MACROD2: variants seen among roughly 807,000 people sequenced by gnomAD.
MACROD2 encodes ADP-ribose glycohydrolase MACROD2.
MACROD2 carries 36 observed loss-of-function variants against 70.4 expected under a neutral mutation model. The observed-to-expected ratio is 0.51, with a 90% CI of 0.39 to 0.68. The LOEUF (loss-of-function observed/expected upper bound fraction) is 0.68. Ranked by LOEUF, MACROD2 falls within the 30% of genes least tolerant of loss-of-function variation. MACROD2 has a pLI of 0.00. For missense variants in MACROD2, 496 were observed against 538.4 expected, an observed-to-expected ratio of 0.92 and a Z score of 0.78; for synonymous variants, 172 against 178.8, an observed-to-expected ratio of 0.96 and a Z score of 0.30.
At chr20:15,514,173 T>C (rs1406270728) in intron 8 of MACROD2, among the ~76,000 whole-genome samples, 1 of 152,242 alleles carries the variant, frequency 6.6e-6, no homozygotes, top group Non-Finnish European at 1.5e-5. Context: ...TTAATTTATA[T>C]TAAAGAAACA....
At chr20:15,740,438 G>A (rs573509993) in intron 8 of MACROD2, among the ~76,000 whole-genome samples, 9 of 152,146 alleles carry the variant, frequency 5.9e-5, no homozygotes, top group Non-Finnish European at 1.2e-4. Flanking sequence ...CTTGATGGAC[G>A]CTGGGGATGG....
chr20:14,470,822 G>A (rs1004895366), intron 3 of MACROD2, among the ~76,000 whole-genome samples: 8 of 152,176 alleles, frequency 5.3e-5, no homozygotes, highest in Non-Finnish European at 7.4e-5. Flanking sequence ...TGTGCTGGCA[G>A]CAAGAATTTC....
chr20:15,013,699 C>A (rs965013117), intron 5 of MACROD2, among the ~76,000 whole-genome samples: 3 of 152,144 alleles, frequency 2.0e-5, no homozygotes, highest in Non-Finnish European at 2.9e-5. Context: ...CTCCCTCTGC[C>A]CACTCCTGCT....
At chr20:15,801,418 G>A (rs989830139) in intron 8 of MACROD2, among the ~76,000 whole-genome samples, 1 of 151,592 alleles carries the variant, frequency 6.6e-6, no homozygotes, top group African/African-American at 2.4e-5. Flanking sequence ...TGGGAACTCT[G>A]GGGTCCTGAA....
At chr20:14,627,023 A>G (rs1318186567) in intron 4 of MACROD2, 1 of 152,210 alleles carries the variant, frequency 6.6e-6, no homozygotes, top group Non-Finnish European at 1.5e-5. Context: ...GTTGGGAGCT[A>G]TAGTTTGTCC....
chr20:15,004,632 T>C (rs1165267906), intron 5 of MACROD2, among the ~76,000 whole-genome samples: 1 of 152,172 alleles, frequency 6.6e-6, no homozygotes, highest in African/African-American at 2.4e-5. Flanking sequence ...ACGGCCACTT[T>C]TTTTTTTCTC....
In MACROD2 at chr20:14,493,097, T is replaced by C. The variant is rs935735741; in HGVS notation, c.272-382T>C. Among the ~76,000 whole-genome samples, 14 of 152,162 alleles carry C rather than the reference T, an allele frequency of 9.2e-5. No homozygotes were observed. The East Asian group carries it at 2.1e-3, about 23-fold the overall frequency. On this transcript the variant is annotated intron_variant, in intron 3 of 17. Transcript: ENST00000684519. Reference sequence around the variant, plus strand: ...AATTTAAATTACTATAATACTTTTTTGTTACATCGTCCTTTGAAATCATTG... The same window carrying C: ...AATTTAAATTACTATAATACTTTTTCGTTACATCGTCCTTTGAAATCATTG...
At chr20:15,991,972 A>G (rs1306760637) in intron 15 of MACROD2, among the ~76,000 whole-genome samples, 1 of 152,188 alleles carries the variant, frequency 6.6e-6, no homozygotes, top group Non-Finnish European at 1.5e-5. Context: ...ACATGTCTCT[A>G]TGTATGCAAT....
chr20:14,844,702 G>T (rs1192378126), intron 5 of MACROD2, among the ~76,000 whole-genome samples: 1 of 151,934 alleles, frequency 6.6e-6, no homozygotes, highest in Non-Finnish European at 1.5e-5. Flanking sequence ...TAAACATAGT[G>T]TCCTAGGCAA....
intron 8 of MACROD2, among the ~76,000 whole-genome samples, chr20:15,507,511 T>C (rs2047442679): frequency 6.6e-6 from 1 of 151,916 alleles, no homozygotes; most frequent in Non-Finnish European, 1.5e-5. Flanking sequence ...CTCTTCTCTT[T>C]TCTTTTTCTT....
intron 17 of MACROD2, among the ~76,000 whole-genome samples, chr20:16,044,898 A>G (rs1415938209): frequency 1.3e-5 from 2 of 152,132 alleles, no homozygotes; most frequent in African/African-American, 4.8e-5. Flanking sequence ...GACAAGTAAA[A>G]AATGTCTCCA....
intron 4 of MACROD2, among the ~76,000 whole-genome samples, chr20:14,540,560 C>T (rs112816758): frequency 6.6e-6 from 1 of 152,128 alleles, no homozygotes; most frequent in African/African-American, 2.4e-5. Flanking sequence ...GCACAATTAC[C>T]TTCAATCTTG....
intron 5 of MACROD2, among the ~76,000 whole-genome samples, chr20:15,138,987 C>T (rs1180333734): frequency 1.3e-5 from 2 of 152,034 alleles, no homozygotes; most frequent in East Asian, 1.9e-4. Flanking sequence ...GGAGTTGGCA[C>T]GTATCAGAAT....
intron 3 of MACROD2, among the ~76,000 whole-genome samples, chr20:14,199,493 G>T (rs1347721634): frequency 6.6e-6 from 1 of 152,166 alleles, no homozygotes; most frequent in East Asian, 1.9e-4. Flanking sequence ...AAGATAGCTT[G>T]CATAGCTAAA....
chr20:14,978,973 C>G (rs1232156896), intron 5 of MACROD2, among the ~76,000 whole-genome samples: 1 of 145,154 alleles, frequency 6.9e-6, no homozygotes, highest in Non-Finnish European at 1.5e-5. Flanking sequence ...ATTTAAGAGA[C>G]AGGGCCTTTG....
chr20:14,360,090 G>A (rs967098981), intron 3 of MACROD2, among the ~76,000 whole-genome samples: 20 of 151,576 alleles, frequency 1.3e-4, no homozygotes, highest in Middle Eastern at 3.4e-3. Context: ...TGTGGTTACC[G>A]GTGGCTTGCT....
At chr20:14,971,459 A>G (rs944191011) in intron 5 of MACROD2, among the ~76,000 whole-genome samples, 2 of 148,882 alleles carry the variant, frequency 1.3e-5, no homozygotes, top group African/African-American at 4.9e-5. Flanking sequence ...GAGGGGGGGG[A>G]CTCTGAATTA....
intron 2 of MACROD2, among the ~76,000 whole-genome samples, chr20:14,043,272 C>G (rs2053420263): frequency 6.6e-6 from 1 of 152,144 alleles, no homozygotes; most frequent in South Asian, 2.1e-4. Context: ...AATCAGGGAT[C>G]TCACACCCTT....
At chr20:14,160,736 AT>A (rs2055174077) in intron 3 of MACROD2, among the ~76,000 whole-genome samples, 1 of 151,554 alleles carries the variant, frequency 6.6e-6, no homozygotes, top group African/African-American at 2.4e-5. Flanking sequence ...TCTGATTTTT[AT>A]TATTTTTTCT....
Sources: allele counts gnomAD v4.1 joint callset (sites outside exome capture counted in the v4.1 genomes callset), GRCh38; gene constraint gnomAD v4.1.1; transcripts MANE v1.5; gene names NCBI Gene and HGNC (gene_info 2026-07-23, HGNC 2026-07-21).